Variants in DNAH9 observed in about 807,000 individuals in gnomAD.
The protein encoded by DNAH9 is DNAH9 variant protein.
DNAH9 carries 345 observed loss-of-function variants against 471.6 expected under a neutral mutation model. That is an observed-to-expected ratio of 0.73 (90% CI 0.67 to 0.80). The LOEUF (loss-of-function observed/expected upper bound fraction) is 0.80. DNAH9 is among the 30% of genes least tolerant of loss of function. DNAH9 has a pLI of 0.00. For missense variants in DNAH9, 5,407 were observed against 5,609.2 expected (o/e 0.96, Z 1.15); for synonymous variants, 2,093 against 2,123.6 (o/e 0.99, Z 0.40).
At chr17:11,640,644 A>G (rs765248423) in intron 10 of DNAH9, among the ~76,000 whole-genome samples, 1 of 152,202 alleles carries the variant, frequency 6.6e-6, no homozygotes, top group Non-Finnish European at 1.5e-5. Context: ...TCTGGAGGAC[A>G]GTGAGCCAGG....
chr17:11,955,698 T>C (rs1003415782), intron 67 of DNAH9, among the ~76,000 whole-genome samples: 12 of 152,178 alleles, frequency 7.9e-5, no homozygotes, highest in Non-Finnish European at 1.6e-4. Flanking sequence ...GAGAAACCCA[T>C]GTACAGGTTT....
intron 9 of DNAH9, among the ~76,000 whole-genome samples, chr17:11,639,202 G>C (rs973297069): frequency 6.6e-6 from 1 of 152,126 alleles, no homozygotes; most frequent in Non-Finnish European, 1.5e-5. Context: ...GGTCATTGGG[G>C]GTCATCTTAG....
intron 50 of DNAH9, among the ~76,000 whole-genome samples, 160 bp from the exon 51 acceptor site, chr17:11,868,974 T>C (rs908094376): frequency 6.6e-6 from 1 of 152,138 alleles, no homozygotes; most frequent in Non-Finnish European, 1.5e-5. Context: ...TCCCCGAATG[T>C]GCTTTCATTT....
intron 49 of DNAH9, among the ~76,000 whole-genome samples, chr17:11,848,028 C>T (rs1275928864): frequency 6.6e-6 from 1 of 152,146 alleles, no homozygotes; most frequent in African/African-American, 2.4e-5. Context: ...TCCTCAAGCC[C>T]AGAGTGGAAC....
At chr17:11,605,468 C>A (rs1303310565) in intron 1 of DNAH9, among the ~76,000 whole-genome samples, 2 of 106,376 alleles carry the variant, frequency 1.9e-5, no homozygotes, top group Non-Finnish European at 3.8e-5. Context: ...GAATGAGTAG[C>A]TTTTTGGTCT....
chr17:11,866,952 TC>T (rs1972078887), intron 50 of DNAH9, among the ~76,000 whole-genome samples: 1 of 152,212 alleles, frequency 6.6e-6, no homozygotes, highest in South Asian at 2.1e-4. Flanking sequence ...GAAAGGGAAC[TC>T]CCTGACCCCT....
At position 11,645,266 on chromosome 17, in the gene DNAH9, T is replaced by A. The variant is rs2073359041; in HGVS notation, c.1970+567T>A. On this transcript the variant is annotated intron_variant, in intron 11 of 68. Coordinates refer to ENST00000262442, the MANE Select transcript of DNAH9 (RefSeq NM_001372.4). ...GTGGCCGTTGAGATTATAATTGTGA[T>A]TATGCTTAGCATTGTTCCAGACAGA... Among the ~76,000 whole-genome samples the A allele has an allele frequency of 1.3e-5, 2 of 152,230 alleles. 1 individual carries two copies. The highest frequency in any genetic ancestry group is 2.9e-5 in the Non-Finnish European group (2 of 68,044).
chr17:11,763,670 G>T, intron 36 of DNAH9, 56 bp downstream of exon 36: 4 of 1,523,366 alleles, frequency 2.6e-6, no homozygotes, highest in South Asian at 1.2e-5. Flanking sequence ...AGCAAAAACT[G>T]ATCCTTTAGC....
intron 12 of DNAH9, among the ~76,000 whole-genome samples, chr17:11,647,723 G>A (rs1390499358): frequency 6.6e-6 from 1 of 152,138 alleles, no homozygotes; most frequent in African/African-American, 2.4e-5. Context: ...GTCTAGTTGG[G>A]GGTCACAACC....
intron 66 of DNAH9, among the ~76,000 whole-genome samples, chr17:11,941,352 C>T (rs1391903101): frequency 6.6e-6 from 1 of 152,186 alleles, no homozygotes; most frequent in African/African-American, 2.4e-5. Flanking sequence ...CTCCCTCTGT[C>T]CCAACCTGCT....
At chr17:11,873,004 CTATT>C (rs1339233852) in intron 52 of DNAH9, among the ~76,000 whole-genome samples, 3 of 152,330 alleles carry the variant, frequency 2.0e-5, no homozygotes, top group African/African-American at 7.2e-5. Context: ...TATTCCAGAT[CTATT>C]TGTAAGTAGA....
intron 15 of DNAH9, among the ~76,000 whole-genome samples, chr17:11,667,830 C>T (rs946602090): frequency 5.3e-5 from 8 of 152,212 alleles, no homozygotes; most frequent in Admixed American, 1.3e-4. Flanking sequence ...TGTTGTCCTA[C>T]ATCCACTGGT....
chr17:11,850,601 A>C (rs2150967054), intron 49 of DNAH9, among the ~76,000 whole-genome samples: 1 of 151,770 alleles, frequency 6.6e-6, no homozygotes, highest in South Asian at 2.1e-4. Flanking sequence ...CAGTGAGCCA[A>C]GAACATGCCA....
chr17:11,862,829 A>G (rs375882735), intron 50 of DNAH9, among the ~76,000 whole-genome samples: 35 of 151,496 alleles, frequency 2.3e-4, no homozygotes, highest in African/African-American at 7.8e-4. Context: ...TTTGTCTGTT[A>G]TTGGTGTATA....
At chr17:11,733,037 G>A (rs1021882180) in intron 28 of DNAH9, among the ~76,000 whole-genome samples, 1 of 152,176 alleles carries the variant, frequency 6.6e-6, no homozygotes. Context: ...AAAGTCTAAT[G>A]GGAAAAAAAC....
chr17:11,769,544 A>G (rs1301003642), intron 38 of DNAH9, among the ~76,000 whole-genome samples: 1 of 152,052 alleles, frequency 6.6e-6, no homozygotes. Flanking sequence ...TTCTTTCTAC[A>G]TTCCTCCCTG....
chr17:11,874,792 G>C, intron 52 of DNAH9, 157 bp from the exon 53 acceptor site: 1 of 613,180 alleles, frequency 1.6e-6, no homozygotes, highest in Admixed American at 3.1e-5. Flanking sequence ...AATAGAACCT[G>C]CTTCCAGAAA....
intron 26 of DNAH9, among the ~76,000 whole-genome samples, chr17:11,715,751 G>A (rs1012436820): frequency 6.6e-6 from 1 of 152,130 alleles, no homozygotes; most frequent in Admixed American, 6.5e-5. Context: ...GGATCTTAAG[G>A]ATGCTTTTGT....
chr17:11,780,368 A>C (rs79935615), intron 38 of DNAH9, among the ~76,000 whole-genome samples: 16,028 of 152,222 alleles, frequency 0.11, 1,116 homozygotes, highest in Non-Finnish European at 0.15. Flanking sequence ...CACTGTTGGC[A>C]AAACATCCAT....
Sources: gnomAD v4.1 joint callset for allele counts (sites outside exome capture counted in the v4.1 genomes callset) on GRCh38, gnomAD v4.1.1 for gene constraint, MANE v1.5 for transcripts, NCBI Gene and HGNC (gene_info 2026-07-23, HGNC 2026-07-21) for gene names.